Variants in IL3RA observed in about 807,000 individuals in gnomAD.
IL3RA encodes the protein interleukin 3 receptor subunit alpha.
A neutral mutation model predicts 52.3 loss-of-function variants in IL3RA; 73 were observed. The ratio of observed to expected loss-of-function variants is 1.40; its 90% CI spans 1.16 to 1.70. The LOEUF (loss-of-function observed/expected upper bound fraction) is 1.70. IL3RA is among the 40% of genes most tolerant of loss of function. The probability of loss-of-function intolerance (pLI) is 0.00; values close to 1 mark genes in which losing one functional copy is unlikely to be tolerated. For synonymous variants in IL3RA, 260 were observed against 194.0 expected (o/e 1.34, Z -2.83); for missense variants, 664 against 504.4 (o/e 1.32, Z -3.03).
At chrX:1,341,955 T>C (rs1184849615) in intron 2 of IL3RA, 126 bp downstream of exon 2, 5 of 969,860 alleles carry the variant, frequency 5.2e-6, no homozygotes, top group Non-Finnish European at 8.2e-6. Flanking sequence ...TCTCATGCAG[T>C]GGTCGGGAAT....
chrX:1,381,262 G>T (rs2089165233), intron 11 of IL3RA, among the ~76,000 whole-genome samples, 158 bp downstream of exon 11: 1 of 152,180 alleles, frequency 6.6e-6, no homozygotes, highest in South Asian at 2.1e-4. Flanking sequence ...GCCGGGTGTG[G>T]TGGCGGGCGC....
At chrX:1,339,297 G>T (rs1426735657) in intron 1 of IL3RA, among the ~76,000 whole-genome samples, 2 of 152,178 alleles carry the variant, frequency 1.3e-5, no homozygotes, top group South Asian at 4.1e-4. Flanking sequence ...TCTAGAGATT[G>T]CCTGTTGCCT....
In IL3RA at chrX:1,382,686, C is replaced by T; in HGVS notation, c.*221C>T. On this transcript the variant is annotated 3_prime_UTR_variant, in exon 12 of 12. Coordinates refer to ENST00000331035, the MANE Select transcript of IL3RA (RefSeq NM_002183.4). ...GATAAAGTGATTTTTTTTTTTTTAA[C>T]CCACTCACTGGTCCCGGTCTCTGGA... 5.2e-6 allele frequency: 3 copies of T among 574,976 alleles called. No individual in the cohort carries two copies. The highest frequency in any genetic ancestry group is 9.4e-6 in the Non-Finnish European group (3 of 317,972). The allele number at this position is 574,976 out of a possible 1,614,324, so 35.6% of individuals were successfully genotyped here.
chrX:1,367,965 C>G (rs1264417319), intron 9 of IL3RA, among the ~76,000 whole-genome samples: 3 of 152,018 alleles, frequency 2.0e-5, no homozygotes, highest in Non-Finnish European at 2.9e-5. Context: ...CGAGAGGAGA[C>G]GTGGAGGGGA....
At chrX:1,338,725 C>T (rs1224853760) in intron 1 of IL3RA, among the ~76,000 whole-genome samples, 2 of 151,996 alleles carry the variant, frequency 1.3e-5, no homozygotes, top group African/African-American at 4.8e-5. Context: ...TTGCCACAGG[C>T]TGGGGAAGAG....
At position 1,356,275 on chromosome X, in the gene IL3RA, T is replaced by C. The variant is rs1292420584; in HGVS notation, c.671T>C (p.Met224Thr). 6 of 1,613,668 alleles carry C rather than the reference T, an allele frequency of 3.7e-6. No homozygotes were observed. The highest frequency in any genetic ancestry group is 5.1e-6 in the Non-Finnish European group (6 of 1,179,790). The part of the protein sequence containing the change: ...TAKCNKTHSF[M>T]HWKMRSHFNR... Reference sequence around the variant, plus strand: ...AAGTGTAATAAGACACATTCCTTTATGCACTGGAAAATGAGAAGTCATTTC... The same window carrying C: ...AAGTGTAATAAGACACATTCCTTTACGCACTGGAAAATGAGAAGTCATTTC... Residue 224 changes from methionine (M) to threonine (T), a missense_variant, in exon 7 of 12, where the codon ATG becomes ACG. Physicochemically the swap from Met to Thr is moderately conservative, Grantham distance 81. Transcript: ENST00000331035.
chrX:1,344,073 C>A (rs754282810), intron 2 of IL3RA, among the ~76,000 whole-genome samples: 2 of 151,974 alleles, frequency 1.3e-5, no homozygotes, highest in Non-Finnish European at 2.9e-5. Flanking sequence ...GGATGACGGG[C>A]GTGAGCCACC....
At chrX:1,354,520 C>G (rs1275009456) in intron 6 of IL3RA, among the ~76,000 whole-genome samples, 10 of 120,046 alleles carry the variant, frequency 8.3e-5, no homozygotes, top group African/African-American at 3.0e-4. Context: ...GGAAAAGAAA[C>G]AGAGGAAAAG....
In IL3RA at chrX:1,377,872, C is replaced by CA. The variant is rs35759027; in HGVS notation, c.875-773dup. On this transcript the variant is annotated intron_variant, in intron 9 of 11. Transcript: ENST00000331035. ...AGCACTGCAGAGCGAGACTCTGTCT[C>CA]AAAAAAAAAAAAAAGAAAAAAGAAA... 4.1e-3 allele frequency among the ~76,000 whole-genome samples: 464 copies of CA among 111,872 alleles called. 2 individuals are homozygous for CA. Among genetic ancestry groups the CA allele is most frequent in the African/African-American group, 9.0e-3 (311 of 34,646 alleles). The allele number at this position is 111,872 out of a possible 152,430, so 73.4% of individuals were successfully genotyped here. A position where few individuals can be genotyped will look rare whatever the true frequency, so the allele number is the denominator to read the frequency against.
chrX:1,377,399 C>A (rs1288822705), intron 9 of IL3RA, among the ~76,000 whole-genome samples: 1 of 152,042 alleles, frequency 6.6e-6, no homozygotes. Flanking sequence ...CGCCACCACA[C>A]CCGGCTACTG....
chrX:1,377,894 G>GA (rs1935047870), intron 9 of IL3RA, among the ~76,000 whole-genome samples: 1 of 148,158 alleles, frequency 6.7e-6, no homozygotes, highest in Non-Finnish European at 1.5e-5. Context: ...AAAGAAAAAA[G>GA]AAAAAAAATA....
chrX:1,377,369 T>C (rs1420123143), intron 9 of IL3RA, among the ~76,000 whole-genome samples: 2 of 151,544 alleles, frequency 1.3e-5, no homozygotes, highest in African/African-American at 4.8e-5. Flanking sequence ...GCCTTCTGAG[T>C]AGCTGGGATG....
chrX:1,359,952 C>T (rs1357514350), intron 8 of IL3RA, among the ~76,000 whole-genome samples: 5 of 143,474 alleles, frequency 3.5e-5, no homozygotes, highest in East Asian at 2.2e-4. Context: ...TCTGTTTCTC[C>T]GTGTCTGTCT....
intron 1 of IL3RA, among the ~76,000 whole-genome samples, chrX:1,338,063 GA>G (rs1157010447): frequency 8.7e-5 from 13 of 149,810 alleles, no homozygotes; most frequent in African/African-American, 3.2e-4. Flanking sequence ...ATACAGCCAT[GA>G]AAAGGAACAA....
intron 7 of IL3RA, among the ~76,000 whole-genome samples, chrX:1,357,956 T>A (rs1427442317): frequency 3.3e-5 from 5 of 150,510 alleles, no homozygotes; most frequent in Non-Finnish European, 7.4e-5. Flanking sequence ...CAAAAAAAAA[T>A]TAGCTGGGCG....
chrX:1,352,372 C>G lies in IL3RA; in HGVS notation c.482C>G (p.Thr161Arg). 6.2e-7 allele frequency: 1 copy of G among 1,613,882 alleles called. No individual in the cohort carries two copies. ...CLHYKTDAQG[T>R]RIGCRFDDIS... is the part of the protein sequence containing the mutation. ...CACTACAAAACGGATGCTCAGGGAA[C>G]ACGTATCGGGTGTCGTTTCGATGAC... The change falls in exon 6 of 12, where the codon ACA becomes AGA. Residue 161 changes from threonine to arginine, a missense_variant. By Grantham distance (71) the Thr-to-Arg change is moderately conservative. Coordinates refer to ENST00000331035, the MANE Select transcript of IL3RA (RefSeq NM_002183.4).
Position 1,365,126 on chromosome X carries a change from T to C in IL3RA, c.760-12T>C. Reference sequence around the variant, plus strand: ...ACCTGGCCCCTCTTCTTTATTTTCTTTCAAACCACAGGTCAGAGACAGAAC... The same window carrying C: ...ACCTGGCCCCTCTTCTTTATTTTCTCTCAAACCACAGGTCAGAGACAGAAC... On this transcript the variant is annotated splice_polypyrimidine_tract_variant and intron_variant, in intron 8 of 11. Coordinates refer to ENST00000331035, the MANE Select transcript of IL3RA (RefSeq NM_002183.4). 6.3e-7 allele frequency: 1 copy of C among 1,597,576 alleles called. No homozygotes were observed. Among genetic ancestry groups the C allele is most frequent in the Non-Finnish European group, 8.6e-7 (1 of 1,167,246 alleles).
chrX:1,381,819 G>T (rs1425494744), intron 11 of IL3RA, among the ~76,000 whole-genome samples: 8 of 151,680 alleles, frequency 5.3e-5, no homozygotes, highest in South Asian at 2.1e-4. Context: ...TGGGATTACA[G>T]GCATGAGCCA....
At chrX:1,360,018 T>C in intron 8 of IL3RA, among the ~76,000 whole-genome samples, 1 of 138,910 alleles carries the variant, frequency 7.2e-6, no homozygotes, top group Non-Finnish European at 1.6e-5. Flanking sequence ...GGTCTCTATC[T>C]TCCCTTCTCC....
Sources: gnomAD v4.1 joint callset for allele counts (sites outside exome capture counted in the v4.1 genomes callset) on GRCh38, gnomAD v4.1.1 for gene constraint, MANE v1.5 for transcripts, NCBI Gene and HGNC (gene_info 2026-07-23, HGNC 2026-07-21) for gene names.